NCKAP5: variants seen among roughly 807,000 people sequenced by gnomAD.
NCKAP5 encodes NCK associated protein 5.
A neutral mutation model predicts 167.0 loss-of-function variants in NCKAP5; 92 were observed. That is an observed-to-expected ratio of 0.55 (90% CI 0.47 to 0.66). NCKAP5 has a LOEUF of 0.66. NCKAP5 is among the 30% of genes least tolerant of loss of function. The pLI is 0.00. For missense variants in NCKAP5, 2,378 were observed against 2,315.0 expected (o/e 1.03, Z -0.56); for synonymous variants, 891 against 877.4 (o/e 1.02, Z -0.27).
At chr2:132,865,423 T>C (rs1641398257) in intron 10 of NCKAP5, among the ~76,000 whole-genome samples, 3 of 152,168 alleles carry the variant, frequency 2.0e-5, no homozygotes, top group Non-Finnish European at 4.4e-5. Flanking sequence ...CCAAGGCTCC[T>C]GGAAATTGGG....
chr2:133,123,589 T>C (rs991915566), intron 6 of NCKAP5: 9 of 277,274 alleles, frequency 3.2e-5, no homozygotes, highest in Non-Finnish European at 5.3e-5. Flanking sequence ...TTGCTGATGA[T>C]GTGGAAATAG....
intron 3 of NCKAP5, among the ~76,000 whole-genome samples, chr2:133,501,042 C>G (rs1682463984): frequency 6.6e-6 from 1 of 152,222 alleles, no homozygotes; most frequent in East Asian, 1.9e-4. Context: ...CTTGATACCA[C>G]AGAATCATTC....
At chr2:133,326,177 C>T (rs975616281) in intron 3 of NCKAP5, among the ~76,000 whole-genome samples, 3 of 152,194 alleles carry the variant, frequency 2.0e-5, no homozygotes, top group African/African-American at 7.2e-5. Flanking sequence ...ACTATAAGGC[C>T]GGGCACAGTG....
intron 3 of NCKAP5, among the ~76,000 whole-genome samples, chr2:133,406,950 A>G (rs367673498): frequency 1.3e-5 from 2 of 150,930 alleles, no homozygotes; most frequent in African/African-American, 4.9e-5. Context: ...TGGTTAGCAC[A>G]GTTTTTAATA....
intron 3 of NCKAP5, among the ~76,000 whole-genome samples, chr2:133,424,298 A>G (rs962705701): frequency 3.3e-5 from 5 of 152,138 alleles, no homozygotes; most frequent in Admixed American, 2.6e-4. Flanking sequence ...GAGGTTTCCC[A>G]ATCAGTGTGA....
intron 2 of NCKAP5, among the ~76,000 whole-genome samples, chr2:133,542,780 G>A (rs1250637331): frequency 1.3e-5 from 2 of 152,080 alleles, no homozygotes; most frequent in African/African-American, 4.8e-5. Flanking sequence ...CTCCCTTCAC[G>A]ATAAAATCTG....
intron 8 of NCKAP5, among the ~76,000 whole-genome samples, chr2:132,895,058 G>A (rs1043425807): frequency 7.2e-5 from 11 of 152,148 alleles, no homozygotes; most frequent in South Asian, 4.1e-4. Context: ...AGGGCCGGGC[G>A]CAGTGGCTCA....
At chr2:133,107,951 T>G (rs2081769203) in intron 6 of NCKAP5, among the ~76,000 whole-genome samples, 1 of 152,212 alleles carries the variant, frequency 6.6e-6, no homozygotes, top group South Asian at 2.1e-4. Flanking sequence ...TCCAATAGTC[T>G]CTAATATTTA....
At chr2:133,519,684 C>A (rs1460786764) in intron 2 of NCKAP5, among the ~76,000 whole-genome samples, 2 of 152,162 alleles carry the variant, frequency 1.3e-5, no homozygotes. Context: ...GCATTGAGTG[C>A]CTACTGTACA....
In NCKAP5 at chr2:133,393,767, A is replaced by T. The variant is rs553132453; in HGVS notation, c.70-90657T>A. On this transcript the variant is annotated intron_variant, in intron 3 of 19. Coordinates refer to ENST00000409261, the MANE Select transcript of NCKAP5 (RefSeq NM_207363.3). ...TGGGAGTCCTTTTGTTCTCTAAGTC[A>T]TGTTTCTATCTATGAAGCAAAATGA... Among the ~76,000 whole-genome samples, 3 of 152,298 alleles carry T rather than the reference A, an allele frequency of 2.0e-5. No individual in the cohort carries two copies. The South Asian group carries it at 6.2e-4, about 32-fold the overall frequency.
chr2:132,832,999 G>A (rs1687627676), intron 11 of NCKAP5, among the ~76,000 whole-genome samples: 3 of 152,090 alleles, frequency 2.0e-5, no homozygotes, highest in Admixed American at 2.0e-4. Context: ...CTCACCAACA[G>A]TATACAAGCA....
At chr2:133,128,533 C>G (rs1043970384) in intron 6 of NCKAP5, among the ~76,000 whole-genome samples, 3 of 152,108 alleles carry the variant, frequency 2.0e-5, no homozygotes, top group Admixed American at 1.3e-4. Context: ...AATCTAGGAG[C>G]TACTTTTTCA....
intron 6 of NCKAP5, among the ~76,000 whole-genome samples, chr2:133,099,994 T>C (rs1221672245): frequency 6.6e-6 from 1 of 152,106 alleles, no homozygotes; most frequent in Non-Finnish European, 1.5e-5. Context: ...TTTACAGGAG[T>C]CTGTGGACGC....
At chr2:133,509,466 G>A (rs140167999) in intron 3 of NCKAP5, among the ~76,000 whole-genome samples, 351 of 152,182 alleles carry the variant, frequency 2.3e-3, no homozygotes, top group Non-Finnish European at 3.8e-3. Context: ...GCTGCATGTG[G>A]GCCCCCTTTA....
At chr2:132,708,333 G>A (rs1274294816) in intron 19 of NCKAP5, among the ~76,000 whole-genome samples, 3 of 152,022 alleles carry the variant, frequency 2.0e-5, no homozygotes, top group South Asian at 4.1e-4. Flanking sequence ...AGCCAACTGC[G>A]CTCGAGTCCT....
chr2:133,067,325 T>C (rs2080233404), intron 6 of NCKAP5, among the ~76,000 whole-genome samples: 1 of 152,262 alleles, frequency 6.6e-6, no homozygotes, highest in Admixed American at 6.5e-5. Flanking sequence ...ATTCTAATGC[T>C]ACTTAAATTT....
intron 2 of NCKAP5, among the ~76,000 whole-genome samples, chr2:133,526,719 C>T (rs1485257683): frequency 1.3e-5 from 2 of 152,182 alleles, no homozygotes; most frequent in African/African-American, 4.8e-5. Flanking sequence ...CTCTTTCTTT[C>T]TTTCCTCTGA....
At chr2:133,241,685 A>G (rs1383548708) in intron 4 of NCKAP5, among the ~76,000 whole-genome samples, 1 of 152,158 alleles carries the variant, frequency 6.6e-6, no homozygotes, top group Non-Finnish European at 1.5e-5. Context: ...CACCAGTGGC[A>G]TCTGCAGGGG....
intron 3 of NCKAP5, among the ~76,000 whole-genome samples, chr2:133,328,039 G>A (rs1682574680): frequency 6.6e-6 from 1 of 152,112 alleles, no homozygotes; most frequent in Admixed American, 6.6e-5. Context: ...CATCTTCAGA[G>A]CTTAATGATC....
Sources: allele counts gnomAD v4.1 joint callset (sites outside exome capture counted in the v4.1 genomes callset), GRCh38; gene constraint gnomAD v4.1.1; transcripts MANE v1.5; gene names NCBI Gene and HGNC (gene_info 2026-07-23, HGNC 2026-07-21).